TTC29: variants seen among roughly 807,000 people sequenced by gnomAD.
The protein encoded by TTC29 is tetratricopeptide repeat protein 29.
TTC29 carries 49 observed loss-of-function variants against 58.1 expected under a neutral mutation model. The observed-to-expected ratio is 0.84, with a 90% CI of 0.67 to 1.07. The LOEUF (loss-of-function observed/expected upper bound fraction) is 1.07. Among genes scored for constraint, TTC29 ranks in the 50% least tolerant of loss-of-function variants. The pLI is 0.00. For synonymous variants in TTC29, 209 were observed against 196.8 expected (o/e 1.06, Z -0.52); for missense variants, 582 against 555.6 (o/e 1.05, Z -0.48).
At chr4:146,728,860 C>CATATATATGTATATATATATACGT (rs1554006144) in intron 11 of TTC29, among the ~76,000 whole-genome samples, 1 of 62,026 alleles carries the variant, frequency 1.6e-5, no homozygotes. Flanking sequence ...TATATATACA[C>CATATATATGTATATATATATACGT]ATATATATGT....
intron 4 of TTC29, among the ~76,000 whole-genome samples, chr4:146,933,212 G>A (rs369876024): frequency 3.3e-5 from 5 of 152,116 alleles, no homozygotes; most frequent in African/African-American, 9.7e-5. Context: ...TAAGATGTTC[G>A]GAAAGAAAGT....
At chr4:146,711,061 T>G (rs1742456773) in intron 11 of TTC29, among the ~76,000 whole-genome samples, 1 of 152,098 alleles carries the variant, frequency 6.6e-6, no homozygotes, top group Non-Finnish European at 1.5e-5. Context: ...GTAAATGAAT[T>G]TTTATAATTT....
At chr4:146,722,443 C>T (rs1394601644) in intron 11 of TTC29, among the ~76,000 whole-genome samples, 1 of 152,080 alleles carries the variant, frequency 6.6e-6, no homozygotes, top group African/African-American at 2.4e-5. Context: ...CCACAGTAAA[C>T]AAAACAGCAT....
intron 11 of TTC29, among the ~76,000 whole-genome samples, chr4:146,710,206 G>C (rs1742378235): frequency 6.6e-6 from 1 of 152,132 alleles, no homozygotes; most frequent in Non-Finnish European, 1.5e-5. Context: ...AGATGGCACA[G>C]CCTACCACAT....
intron 11 of TTC29, among the ~76,000 whole-genome samples, chr4:146,790,364 T>C (rs566154349): frequency 7.9e-5 from 12 of 152,110 alleles, no homozygotes; most frequent in Admixed American, 5.2e-4. Context: ...AAATTTTGTA[T>C]TTTTAGTAGA....
At chr4:146,739,384 C>T (rs1264092658) in intron 11 of TTC29, among the ~76,000 whole-genome samples, 1 of 152,194 alleles carries the variant, frequency 6.6e-6, no homozygotes, top group African/African-American at 2.4e-5. Context: ...TGATCTTTCT[C>T]TCTTTTGGAA....
At chr4:146,904,459 T>C (rs1733388693) in intron 5 of TTC29, among the ~76,000 whole-genome samples, 1 of 152,084 alleles carries the variant, frequency 6.6e-6, no homozygotes, top group Non-Finnish European at 1.5e-5. Context: ...AACCTATATC[T>C]ACATAAAAAA....
In TTC29 at chr4:146,810,407, A is replaced by C. The variant is rs1176130012; in HGVS notation, c.1102-6722T>G. Among the ~76,000 whole-genome samples the C allele has an allele frequency of 2.6e-5, 4 of 152,154 alleles. No homozygotes were observed. The East Asian group carries it at 7.7e-4, about 29-fold the overall frequency. On this transcript the variant is annotated intron_variant, in intron 10 of 12. Transcript: ENST00000325106. ...ATCCCAGAACTTAAAGTATATATAAAAAAAGTCTTATGTTCTTATCAATAA... is the reference window on the plus strand; with the variant it reads ...ATCCCAGAACTTAAAGTATATATAACAAAAGTCTTATGTTCTTATCAATAA...
rs532158876 is a variant in TTC29 at position 146,739,797 on chromosome 4, C to T, written c.1331-32246G>A. On this transcript the variant is annotated intron_variant, in intron 11 of 12. Coordinates refer to ENST00000325106, the MANE Select transcript of TTC29 (RefSeq NM_031956.4). ...ATCTTATTCCCTATTGTATAGATGGCGGTAATAGGTAGTTGTGGTGGGGAC... is the reference window on the plus strand; with the variant it reads ...ATCTTATTCCCTATTGTATAGATGGTGGTAATAGGTAGTTGTGGTGGGGAC... Among the ~76,000 whole-genome samples, 13 of 152,154 alleles carry T rather than the reference C, an allele frequency of 8.5e-5. No homozygotes were observed. In the East Asian group the frequency reaches 1.7e-3, roughly 20 times the overall value.
intron 8 of TTC29, among the ~76,000 whole-genome samples, chr4:146,843,271 T>C (rs1338496645): frequency 6.6e-6 from 1 of 152,226 alleles, no homozygotes; most frequent in Non-Finnish European, 1.5e-5. Flanking sequence ...AAATATGTTA[T>C]CTTGAGTGGA....
At chr4:146,815,850 A>T (rs1038943644) in intron 10 of TTC29, among the ~76,000 whole-genome samples, 3 of 152,166 alleles carry the variant, frequency 2.0e-5, no homozygotes, top group Non-Finnish European at 4.4e-5. Flanking sequence ...AAAAAACACA[A>T]CTTTTTAGCC....
chr4:146,855,859 AC>A (rs1318711488), intron 8 of TTC29, among the ~76,000 whole-genome samples: 1 of 152,170 alleles, frequency 6.6e-6, no homozygotes, highest in Admixed American at 6.5e-5. Context: ...AGTATGACCC[AC>A]ACACTTATTC....
chr4:146,938,603 A>T (rs1736069866), intron 3 of TTC29, among the ~76,000 whole-genome samples: 1 of 152,196 alleles, frequency 6.6e-6, no homozygotes. Flanking sequence ...TAGTGTACAC[A>T]CATGAATTAT....
intron 8 of TTC29, 29 bp from the exon 9 acceptor site, chr4:146,833,926 A>T: frequency 5.4e-6 from 8 of 1,470,264 alleles, no homozygotes; most frequent in Non-Finnish European, 6.6e-6. Context: ...CATATTGAAC[A>T]TATAGCACAG....
chr4:146,717,355 T>C (rs1474350694), intron 11 of TTC29, among the ~76,000 whole-genome samples: 1 of 152,142 alleles, frequency 6.6e-6, no homozygotes, highest in African/African-American at 2.4e-5. Context: ...CTCGGTTCAC[T>C]GCAATCTCTG....
chr4:146,915,817 T>C (rs536598055), intron 4 of TTC29, among the ~76,000 whole-genome samples: 1 of 151,992 alleles, frequency 6.6e-6, no homozygotes, highest in African/African-American at 2.4e-5. Flanking sequence ...AGATGAAGCT[T>C]TACAGTCAGT....
intron 11 of TTC29, among the ~76,000 whole-genome samples, chr4:146,775,839 AAT>A (rs1748051652): frequency 6.6e-6 from 1 of 152,172 alleles, no homozygotes; most frequent in African/African-American, 2.4e-5. Context: ...GAAATCCTAA[AAT>A]ATGTTTTACA....
chr4:146,729,862 C>T (rs1316360062), intron 11 of TTC29, among the ~76,000 whole-genome samples: 3 of 151,732 alleles, frequency 2.0e-5, no homozygotes, highest in Non-Finnish European at 2.9e-5. Flanking sequence ...GGAAACTGCC[C>T]CCAAGATCAA....
intron 8 of TTC29, among the ~76,000 whole-genome samples, chr4:146,862,034 C>T (rs894335379): frequency 8.5e-5 from 13 of 152,122 alleles, no homozygotes; most frequent in African/African-American, 3.1e-4. Context: ...AGCCTTCTTA[C>T]CTCTCTTCAC....
Sources: allele counts gnomAD v4.1 joint callset (sites outside exome capture counted in the v4.1 genomes callset), GRCh38; gene constraint gnomAD v4.1.1; transcripts MANE v1.5; gene names NCBI Gene and HGNC (gene_info 2026-07-23, HGNC 2026-07-21).